The following SIPA1L3 variants were observed in gnomAD, a reference collection of about 807,000 sequenced individuals.
The protein encoded by SIPA1L3 is signal-induced proliferation-associated 1-like protein 3.
Under a neutral mutation model 150.1 loss-of-function variants are expected in SIPA1L3, and 59 were observed. The ratio of observed to expected loss-of-function variants is 0.39; its 90% CI spans 0.32 to 0.49. SIPA1L3 has a LOEUF of 0.49. Among genes scored for constraint, SIPA1L3 ranks in the 20% least tolerant of loss-of-function variants. SIPA1L3 has a pLI of 0.86. For synonymous variants in SIPA1L3, 1,070 were observed against 1,077.6 expected, an observed-to-expected ratio of 0.99 and a Z score of 0.14; for missense variants, 2,211 against 2,489.5, an observed-to-expected ratio of 0.89 and a Z score of 2.38.
intron 2 of SIPA1L3, among the ~76,000 whole-genome samples, chr19:38,071,876 A>G (rs1969730859): frequency 6.6e-6 from 1 of 152,230 alleles, no homozygotes; most frequent in Non-Finnish European, 1.5e-5. Flanking sequence ...AAGAAGGAAC[A>G]CATTTTGTGG....
intron 1 of SIPA1L3, among the ~76,000 whole-genome samples, chr19:37,971,127 CT>C (rs1033570602): frequency 1.3e-5 from 2 of 151,602 alleles, no homozygotes; most frequent in African/African-American, 4.9e-5. Flanking sequence ...ACCTCCCATG[CT>C]TTTTTTTGTT....
intron 1 of SIPA1L3, among the ~76,000 whole-genome samples, chr19:38,027,245 G>A (rs901192512): frequency 3.9e-5 from 6 of 152,130 alleles, no homozygotes; most frequent in Non-Finnish European, 8.8e-5. Flanking sequence ...CCAAGATGGC[G>A]CCACTGTACT....
intron 1 of SIPA1L3, among the ~76,000 whole-genome samples, chr19:37,960,067 A>G (rs1880692815): frequency 1.3e-5 from 2 of 152,156 alleles, no homozygotes; most frequent in South Asian, 2.1e-4. Flanking sequence ...GAAAAAATGT[A>G]TTTATGCCAT....
chr19:37,952,786 A>G (rs535795720), intron 1 of SIPA1L3, among the ~76,000 whole-genome samples: 1 of 152,302 alleles, frequency 6.6e-6, no homozygotes, highest in South Asian at 2.1e-4. Flanking sequence ...TCTTAGCTTT[A>G]TGTGATCAAC....
In SIPA1L3 at chr19:38,101,201, G is replaced by C; in HGVS notation, c.2004G>C (p.Lys668Asn). The change falls in exon 6 of 22, where the codon AAG (lysine) becomes AAC (asparagine). Residue 668 changes from lysine (K) to asparagine (N), a missense_variant. Around this residue, in one of 5 missense-constraint regions of SIPA1L3, gnomAD observed 625 missense variants for 804.2 expected, o/e 0.78. Transcript: ENST00000222345. ...AGGTCTGCCTGAAGGGCTTCACCAA[G>C]TACGCTGCCCAGCTGGACGTCAAGA... ...GEKVCLKGFT[K>N]YAAQLDVKTD... 6.3e-7 allele frequency: 1 copy of C among 1,592,344 alleles called. No individual in the cohort carries two copies. Among genetic ancestry groups the C allele is most frequent in the Non-Finnish European group, 8.5e-7 (1 of 1,170,132 alleles).
chr19:38,123,679 C>T (rs944609976), intron 9 of SIPA1L3, among the ~76,000 whole-genome samples: 1 of 152,130 alleles, frequency 6.6e-6, no homozygotes, highest in Non-Finnish European at 1.5e-5. Context: ...TACACAGACA[C>T]GGCAACCATC....
At chr19:38,125,002 G>A (rs1466030621) in intron 9 of SIPA1L3, among the ~76,000 whole-genome samples, 1 of 151,714 alleles carries the variant, frequency 6.6e-6, no homozygotes, top group Non-Finnish European at 1.5e-5. Context: ...GAAAGAGAGG[G>A]AGAGGGAGAC....
chr19:38,107,751 C>T (rs555832883), intron 7 of SIPA1L3, among the ~76,000 whole-genome samples: 324 of 152,146 alleles, frequency 2.1e-3, no homozygotes, highest in African/African-American at 7.6e-3. Flanking sequence ...CTGAGGCAGG[C>T]GGATCACCTG....
intron 12 of SIPA1L3, among the ~76,000 whole-genome samples, chr19:38,151,439 C>T (rs1301921983): frequency 6.6e-6 from 1 of 152,180 alleles, no homozygotes; most frequent in Non-Finnish European, 1.5e-5. Context: ...CAGCCAGTCT[C>T]AAGGGACCTG....
At chr19:38,119,969 T>C (rs1178867603) in intron 9 of SIPA1L3, 87 bp downstream of exon 9, 4 of 928,888 alleles carry the variant, frequency 4.3e-6, no homozygotes, top group Non-Finnish European at 6.4e-6. Flanking sequence ...CCCAGTCAGT[T>C]AGGCTAAGAC....
At chr19:38,021,238 A>G (rs1348005892) in intron 1 of SIPA1L3, among the ~76,000 whole-genome samples, 4 of 152,198 alleles carry the variant, frequency 2.6e-5, no homozygotes, top group Admixed American at 2.6e-4. Context: ...AGCTAGCAGA[A>G]TTCACAAGAG....
At chr19:37,978,608 C>T (rs1048570886) in intron 1 of SIPA1L3, among the ~76,000 whole-genome samples, 1 of 152,174 alleles carries the variant, frequency 6.6e-6, no homozygotes, top group Non-Finnish European at 1.5e-5. Context: ...ATACCATGCA[C>T]AGCCTGTTTT....
intron 19 of SIPA1L3, among the ~76,000 whole-genome samples, chr19:38,199,626 A>C (rs1441893683): frequency 1.3e-5 from 2 of 152,126 alleles, no homozygotes; most frequent in Non-Finnish European, 2.9e-5. Context: ...GGGGAGTAGC[A>C]GAAAGACCTG....
At chr19:38,085,832 T>TA (rs1338376817) in intron 3 of SIPA1L3, among the ~76,000 whole-genome samples, 1 of 151,902 alleles carries the variant, frequency 6.6e-6, no homozygotes, top group East Asian at 1.9e-4. Flanking sequence ...CTGTCTCCAC[T>TA]AAAAAATACA....
Position 38,198,381 on chromosome 19 carries a change from C to A in SIPA1L3, c.4841-8C>A. On this transcript the variant is annotated splice_polypyrimidine_tract_variant and splice_region_variant and intron_variant, in intron 18 of 21. Coordinates refer to ENST00000222345, the MANE Select transcript of SIPA1L3 (RefSeq NM_015073.3). Reference sequence around the variant, plus strand: ...TCAACCACTGCCATCTCCACCCTCCCCATCCAGCCACCATCTCAGCCTCGG... The same window carrying A: ...TCAACCACTGCCATCTCCACCCTCCACATCCAGCCACCATCTCAGCCTCGG... 6.5e-7 allele frequency: 1 copy of A among 1,535,928 alleles called. No homozygotes were observed. The highest frequency in any genetic ancestry group is 8.7e-7 in the Non-Finnish European group (1 of 1,143,346).
intron 1 of SIPA1L3, among the ~76,000 whole-genome samples, chr19:37,959,759 T>A (rs2145570581): frequency 6.6e-6 from 1 of 152,272 alleles, no homozygotes; most frequent in Non-Finnish European, 1.5e-5. Context: ...GCCGTCTTTC[T>A]GATAAGCAGA....
intron 15 of SIPA1L3, among the ~76,000 whole-genome samples, chr19:38,177,843 T>A (rs554212386): frequency 2.8e-4 from 43 of 152,256 alleles, no homozygotes; most frequent in Non-Finnish European, 5.3e-4. Context: ...CTAGCCAACA[T>A]GGTGAAACCC....
chr19:38,142,403 C>G (rs1275693779), intron 11 of SIPA1L3, among the ~76,000 whole-genome samples, 170 bp from the exon 12 acceptor site: 1 of 152,172 alleles, frequency 6.6e-6, no homozygotes, highest in Non-Finnish European at 1.5e-5. Context: ...AGCATCCTCC[C>G]CTTCATCCTG....
intron 1 of SIPA1L3, among the ~76,000 whole-genome samples, chr19:38,011,210 C>A (rs1288192801): frequency 1.3e-5 from 2 of 152,152 alleles, no homozygotes; most frequent in Middle Eastern, 3.2e-3. Flanking sequence ...CCTAGTGGCT[C>A]ACACCTGTAA....
Sources: gnomAD v4.1 joint callset for allele counts (sites outside exome capture counted in the v4.1 genomes callset) on GRCh38, gnomAD v4.1.1 for gene constraint, gnomAD v4.1.1 regional missense constraint, MANE v1.5 for transcripts, NCBI Gene and HGNC (gene_info 2026-07-23, HGNC 2026-07-21) for gene names.